TSHZ2: variants seen among roughly 807,000 people sequenced by gnomAD.
TSHZ2 encodes the protein teashirt zinc finger homeobox 2.
TSHZ2 carries 21 observed loss-of-function variants against 74.4 expected under a neutral mutation model. That is an observed-to-expected ratio of 0.28 (90% CI 0.20 to 0.41). TSHZ2 has a LOEUF of 0.41. TSHZ2 is among the 10% of genes least tolerant of loss of function. The pLI is 1.00. For synonymous variants in TSHZ2, 540 were observed against 515.3 expected (o/e 1.05, Z -0.65); for missense variants, 1,244 against 1,293.5 (o/e 0.96, Z 0.59).
In TSHZ2 at chr20:53,093,115, C is replaced by T. The variant is rs528506075; in HGVS notation, c.40+119782C>T. Among the ~76,000 whole-genome samples, 6 of 152,268 alleles carry T rather than the reference C, an allele frequency of 3.9e-5. No homozygotes were observed. The South Asian group carries it at 1.0e-3, about 26-fold the overall frequency. ...ATACTTACCAGCTGTGGGTGCCTGG[C>T]CATCTGAAAGCATTTCTCAGCTCAT... is the stretch of plus-strand genomic sequence containing the variant. On this transcript the variant is annotated intron_variant, in intron 1 of 2. Transcript: ENST00000371497.
At chr20:52,984,056 A>G (rs918649233) in intron 1 of TSHZ2, among the ~76,000 whole-genome samples, 3 of 152,264 alleles carry the variant, frequency 2.0e-5, no homozygotes, top group Non-Finnish European at 4.4e-5. Flanking sequence ...GAGAGCAGGA[A>G]GAAGGGAAGC....
chr20:53,371,807 C>T (rs1455583449), intron 2 of TSHZ2, among the ~76,000 whole-genome samples: 1 of 146,466 alleles, frequency 6.8e-6, no homozygotes, highest in East Asian at 2.0e-4. Flanking sequence ...ACCCAGGAGG[C>T]GGGTGTTGCA....
intron 2 of TSHZ2, among the ~76,000 whole-genome samples, chr20:53,386,224 G>C (rs1029601950): frequency 6.6e-6 from 1 of 152,318 alleles, no homozygotes; most frequent in South Asian, 2.1e-4. Context: ...CACAGAGGGG[G>C]CAAGAAAGAG....
intron 1 of TSHZ2, among the ~76,000 whole-genome samples, chr20:53,014,041 A>C (rs1033705217): frequency 1.3e-5 from 2 of 152,224 alleles, no homozygotes; most frequent in Admixed American, 1.3e-4. Flanking sequence ...CTGCTGTAAC[A>C]AAATACCATA....
intron 1 of TSHZ2, among the ~76,000 whole-genome samples, chr20:53,092,714 C>T (rs1985920086): frequency 6.6e-6 from 1 of 152,164 alleles, no homozygotes; most frequent in South Asian, 2.1e-4. Context: ...ATCTAAGAAG[C>T]AGTTGTAAAA....
At chr20:53,028,547 T>G (rs1983529610) in intron 1 of TSHZ2, among the ~76,000 whole-genome samples, 1 of 152,248 alleles carries the variant, frequency 6.6e-6, no homozygotes, top group Admixed American at 6.5e-5. Flanking sequence ...GATGGACTTT[T>G]TCTCTTTGCT....
At chr20:53,381,177 T>A (rs768882675) in intron 2 of TSHZ2, among the ~76,000 whole-genome samples, 3 of 152,252 alleles carry the variant, frequency 2.0e-5, no homozygotes, top group Non-Finnish European at 4.4e-5. Context: ...ATCATGAAGT[T>A]AGTCCACAGC....
At chr20:53,465,951 T>A (rs1985543434) in intron 2 of TSHZ2, among the ~76,000 whole-genome samples, 3 of 138,646 alleles carry the variant, frequency 2.2e-5, no homozygotes, top group African/African-American at 5.4e-5. Flanking sequence ...AGCTTAGACA[T>A]ATAATCACAG....
At chr20:53,234,730 A>G (rs1490025845) in intron 1 of TSHZ2, among the ~76,000 whole-genome samples, 2 of 152,180 alleles carry the variant, frequency 1.3e-5, no homozygotes, top group African/African-American at 2.4e-5. Context: ...GGAAATAGCA[A>G]AGAGGTCAGT....
At chr20:53,452,493 G>A (rs906265792) in intron 2 of TSHZ2, among the ~76,000 whole-genome samples, 17 of 151,972 alleles carry the variant, frequency 1.1e-4, no homozygotes, top group Admixed American at 5.9e-4. Context: ...CCAGCTACTC[G>A]GGAGGCTGAG....
chr20:53,460,608 G>A (rs1985319598), intron 2 of TSHZ2, among the ~76,000 whole-genome samples: 1 of 152,226 alleles, frequency 6.6e-6, no homozygotes, highest in South Asian at 2.1e-4. Flanking sequence ...CGTTCCTTTG[G>A]AGGAGGAGAG....
intron 1 of TSHZ2, among the ~76,000 whole-genome samples, chr20:53,240,852 C>A (rs780363824): frequency 6.6e-6 from 1 of 151,876 alleles, no homozygotes; most frequent in Non-Finnish European, 1.5e-5. Context: ...AATTAAAAAG[C>A]AAGGGAAAAT....
At chr20:53,253,157 A>G (rs1311876182) in intron 1 of TSHZ2, among the ~76,000 whole-genome samples, 1 of 152,138 alleles carries the variant, frequency 6.6e-6, no homozygotes, top group Non-Finnish European at 1.5e-5. Flanking sequence ...TGGGATATGA[A>G]TTTCAATCCA....
intron 2 of TSHZ2, among the ~76,000 whole-genome samples, chr20:53,383,074 A>C (rs1172363714): frequency 6.6e-6 from 1 of 152,142 alleles, no homozygotes; most frequent in Non-Finnish European, 1.5e-5. Flanking sequence ...CAGCCTGGGC[A>C]ACATGGTGAA....
At chr20:52,997,786 T>C (rs1600637465) in intron 1 of TSHZ2, among the ~76,000 whole-genome samples, 1 of 152,138 alleles carries the variant, frequency 6.6e-6, no homozygotes, top group Admixed American at 6.5e-5. Context: ...AGGCAGAGGG[T>C]TTTGCTCTGT....
intron 1 of TSHZ2, among the ~76,000 whole-genome samples, chr20:53,216,194 A>G (rs1333337957): frequency 6.6e-6 from 1 of 151,792 alleles, no homozygotes; most frequent in Non-Finnish European, 1.5e-5. Flanking sequence ...CTATGAAGTC[A>G]ACACCCAAGG....
chr20:53,426,588 T>A (rs79914149), intron 2 of TSHZ2, among the ~76,000 whole-genome samples: 1 of 152,330 alleles, frequency 6.6e-6, no homozygotes, highest in African/African-American at 2.4e-5. Context: ...AACAGATTAA[T>A]GACAAAGATA....
At chr20:53,243,604 G>C (rs1990122595) in intron 1 of TSHZ2, among the ~76,000 whole-genome samples, 1 of 152,172 alleles carries the variant, frequency 6.6e-6, no homozygotes, top group Non-Finnish European at 1.5e-5. Context: ...GGGTTGGAAA[G>C]TCAAGCATCT....
At chr20:53,073,114 ATTCATCCATTCC>A in intron 1 of TSHZ2, among the ~76,000 whole-genome samples, 1 of 143,750 alleles carries the variant, frequency 7.0e-6, no homozygotes, top group East Asian at 2.1e-4. Flanking sequence ...CCATCCCTCC[ATTCATCCATTCC>A]TCCATCCATC....
Sources: gnomAD v4.1 joint callset for allele counts (sites outside exome capture counted in the v4.1 genomes callset) on GRCh38, gnomAD v4.1.1 for gene constraint, MANE v1.5 for transcripts, NCBI Gene and HGNC (gene_info 2026-07-23, HGNC 2026-07-21) for gene names.